The following TMC1 variants were observed in gnomAD, a reference collection of about 807,000 sequenced individuals.
TMC1 encodes transmembrane channel-like protein 1.
TMC1 carries 84 observed loss-of-function variants against 105.8 expected under a neutral mutation model. That is an observed-to-expected ratio of 0.79 (90% CI 0.67 to 0.95). The LOEUF is 0.95. Ranked by LOEUF, TMC1 falls within the 40% of genes least tolerant of loss-of-function variation. The pLI, the probability that TMC1 is intolerant of heterozygous loss-of-function variation, is 0.00. For missense variants in TMC1, 817 were observed against 914.1 expected, an observed-to-expected ratio of 0.89 and a Z score of 1.37; for synonymous variants, 315 against 311.5, an observed-to-expected ratio of 1.01 and a Z score of -0.12.
At chr9:72,610,258 A>T (rs2132119251) in intron 2 of TMC1, among the ~76,000 whole-genome samples, 1 of 152,314 alleles carries the variant, frequency 6.6e-6, no homozygotes, top group African/African-American at 2.4e-5. Flanking sequence ...CAGGGGTCTC[A>T]AGAGAAACAG....
At chr9:72,792,419 TAA>T in intron 17 of TMC1, 67 bp downstream of exon 17, 1 of 1,594,298 alleles carries the variant, frequency 6.3e-7, no homozygotes, top group East Asian at 2.2e-5. Flanking sequence ...ATCTCTTCCA[TAA>T]GATTGGCTTT....
At chr9:72,713,781 G>T (rs1418984545) in intron 8 of TMC1, among the ~76,000 whole-genome samples, 1 of 145,796 alleles carries the variant, frequency 6.9e-6, no homozygotes, top group African/African-American at 2.6e-5. Flanking sequence ...GTTCTGCTCT[G>T]CTCTTAGTTA....
intron 2 of TMC1, among the ~76,000 whole-genome samples, chr9:72,584,751 G>A (rs527448543): frequency 2.0e-5 from 3 of 147,350 alleles, no homozygotes; most frequent in South Asian, 2.2e-4. Context: ...GCCTTACAAC[G>A]TAAAAATGTA....
At chr9:72,830,714 TA>T in intron 23 of TMC1, 32 bp downstream of exon 23, 1 of 1,574,442 alleles carries the variant, frequency 6.4e-7, no homozygotes, top group Admixed American at 1.9e-5. Flanking sequence ...GTAATGTTTG[TA>T]ATTTTTCTTT....
chr9:72,683,180 T>C (rs1826315221), intron 5 of TMC1, among the ~76,000 whole-genome samples: 2 of 152,216 alleles, frequency 1.3e-5, no homozygotes, highest in South Asian at 4.1e-4. Flanking sequence ...ATTTGGTGAC[T>C]CAGTCTAGCA....
chr9:72,653,104 T>G (rs2132154187), intron 5 of TMC1, among the ~76,000 whole-genome samples: 1 of 152,364 alleles, frequency 6.6e-6, no homozygotes, highest in East Asian at 1.9e-4. Flanking sequence ...TTCACTTTAT[T>G]AATTCATTCA....
chr9:72,765,859 T>C (rs1326814879), intron 12 of TMC1, among the ~76,000 whole-genome samples: 1 of 152,184 alleles, frequency 6.6e-6, no homozygotes, highest in Admixed American at 6.5e-5. Flanking sequence ...GAATTCCCAC[T>C]GTTAGTGTCA....
At chr9:72,755,867 C>T (rs934167295) in intron 12 of TMC1, among the ~76,000 whole-genome samples, 1 of 152,148 alleles carries the variant, frequency 6.6e-6, no homozygotes, top group African/African-American at 2.4e-5. Context: ...TTGTGAGTTT[C>T]CCAAAGAAGA....
intron 2 of TMC1, among the ~76,000 whole-genome samples, chr9:72,590,546 G>C (rs771724995): frequency 6.6e-6 from 1 of 152,062 alleles, no homozygotes; most frequent in African/African-American, 2.4e-5. Flanking sequence ...CTTTCGACTC[G>C]GTTTCCTCTT....
At chr9:72,602,320 C>T (rs1824830856) in intron 2 of TMC1, among the ~76,000 whole-genome samples, 1 of 151,066 alleles carries the variant, frequency 6.6e-6, no homozygotes, top group Non-Finnish European at 1.5e-5. Flanking sequence ...AAGAATTGAA[C>T]CCAGATTTGA....
intron 1 of TMC1, among the ~76,000 whole-genome samples, chr9:72,555,835 C>CA (rs1823927865): frequency 6.6e-6 from 1 of 151,114 alleles, no homozygotes; most frequent in African/African-American, 2.4e-5. Context: ...ATTCCCCAGG[C>CA]TGGTCTCAAA....
chr9:72,745,454 G>A (rs1224169954), intron 10 of TMC1, among the ~76,000 whole-genome samples: 1 of 152,084 alleles, frequency 6.6e-6, no homozygotes, highest in African/African-American at 2.4e-5. Context: ...GGCAGGATGA[G>A]TAGTTATAGA....
chr9:72,591,649 C>T (rs943675556), intron 2 of TMC1, among the ~76,000 whole-genome samples: 4 of 152,198 alleles, frequency 2.6e-5, no homozygotes, highest in South Asian at 4.1e-4. Flanking sequence ...CAACCTTGAT[C>T]AGCCTTCATC....
chr9:72,825,929 T>A (rs149753055), intron 20 of TMC1, among the ~76,000 whole-genome samples: 1 of 152,106 alleles, frequency 6.6e-6, no homozygotes, highest in Non-Finnish European at 1.5e-5. Context: ...TGGAAGATAG[T>A]ATTGGTTAGA....
intron 8 of TMC1, among the ~76,000 whole-genome samples, chr9:72,705,774 A>G (rs1457507030): frequency 6.6e-6 from 1 of 152,248 alleles, no homozygotes; most frequent in Admixed American, 6.5e-5. Flanking sequence ...GCTTTTGGAT[A>G]GACACCATTT....
At chr9:72,756,820 T>C (rs1227307674) in intron 12 of TMC1, among the ~76,000 whole-genome samples, 2 of 152,158 alleles carry the variant, frequency 1.3e-5, no homozygotes, top group Non-Finnish European at 2.9e-5. Context: ...CATTTGAGAT[T>C]TGAAAGTTAG....
At chr9:72,726,290 C>T (rs1827124672) in intron 8 of TMC1, among the ~76,000 whole-genome samples, 2 of 151,930 alleles carry the variant, frequency 1.3e-5, no homozygotes, top group Admixed American at 6.6e-5. Context: ...TATATGTGTG[C>T]ATGTACATAT....
At chr9:72,586,434 G>T (rs183320814) in intron 2 of TMC1, among the ~76,000 whole-genome samples, 5 of 151,706 alleles carry the variant, frequency 3.3e-5, no homozygotes, top group Non-Finnish European at 7.4e-5. Context: ...TGTCCTGTGT[G>T]GATCTGTATG....
In TMC1 at chr9:72,792,217, C is replaced by CA; in HGVS notation, c.1433dup (p.Asn478LysfsTer19). ...TTGAAGAGGAGAAGCTAGTAAAGGCCAATATTACCCTTTGGGAAGCCAATA... is the reference window on the plus strand; with the variant it reads ...TTGAAGAGGAGAAGCTAGTAAAGGCCAAATATTACCCTTTGGGAAGCCAATA... On this transcript the variant is annotated frameshift_variant, in exon 17 of 24. Transcript: ENST00000297784. LOFTEE classifies it high-confidence loss of function. 6.2e-7 allele frequency: 1 copy of CA among 1,614,034 alleles called. No homozygotes were observed. Among genetic ancestry groups the CA allele is most frequent in the Non-Finnish European group, 8.5e-7 (1 of 1,179,988 alleles).
Sources: allele counts gnomAD v4.1 joint callset (sites outside exome capture counted in the v4.1 genomes callset), GRCh38; gene constraint gnomAD v4.1.1; transcripts MANE v1.5; gene names NCBI Gene and HGNC (gene_info 2026-07-23, HGNC 2026-07-21).